Variants in CREB3L3 observed in about 807,000 individuals in gnomAD.
The protein encoded by CREB3L3 is cyclic AMP-responsive element-binding protein 3-like protein 3.
A neutral mutation model predicts 44.6 loss-of-function variants in CREB3L3; 40 were observed. The ratio of observed to expected loss-of-function variants is 0.90; its 90% CI spans 0.70 to 1.17. The LOEUF is 1.17. CREB3L3 is among the 50% of genes most tolerant of loss of function. The pLI is 0.00. For synonymous variants in CREB3L3, 273 were observed against 256.3 expected (o/e 1.06, Z -0.62); for missense variants, 578 against 595.8 (o/e 0.97, Z 0.31).
chr19:4,172,041 C>G lies in CREB3L3; in HGVS notation c.*72C>G. On this transcript the variant is annotated 3_prime_UTR_variant, in exon 10 of 10. Transcript: ENST00000078445. ...TGGGGATGCTGCACTGGGCAGCTACCCACCTGGGGATGGGACGTGAGGCCA... is the reference window on the plus strand; with the variant it reads ...TGGGGATGCTGCACTGGGCAGCTACGCACCTGGGGATGGGACGTGAGGCCA... The G allele has an allele frequency of 7.0e-7, 1 of 1,432,304 alleles. No individual in the cohort carries two copies. Among genetic ancestry groups the G allele is most frequent in the Non-Finnish European group, 9.3e-7 (1 of 1,073,598 alleles). 88.7% of individuals were successfully genotyped at this position (1,432,304 alleles called of 1,614,324 possible).
At chr19:4,170,071 G>T (rs1228424279) in intron 6 of CREB3L3, 69 bp from the exon 7 acceptor site, 1 of 1,465,330 alleles carries the variant, frequency 6.8e-7, no homozygotes, top group Admixed American at 1.7e-5. Context: ...GAGGCCTCTG[G>T]GGGAGATGTC....
chr19:4,171,503 C>T lies in CREB3L3; in HGVS notation c.1072+24C>T. 6.2e-7 allele frequency: 1 copy of T among 1,611,970 alleles called. No individual in the cohort carries two copies. The highest frequency in any genetic ancestry group is 8.5e-7 in the Non-Finnish European group (1 of 1,178,116). ...AGGTAGGGGATCCCCACCTTTGAAA[C>T]CCTTGTCTGGTCTCCCCAAGTCCCC... On this transcript the variant is annotated intron_variant, in intron 9 of 9. Transcript: ENST00000078445. The surrounding 1 kb of genome is among the most constrained non-coding windows in gnomAD (Gnocchi z 4.9).
Position 4,171,927 on chromosome 19 carries a change from C to T in CREB3L3, c.1344C>T (p.Gly448=). ...GGGTGGCGCCTGGGCCGAGCACTGG[C>T]TCAGGACGTGCAGGGCTGGAGGCGG... ...LDWVAPGPST[G]SGRAGLEAAG... is the part of the protein sequence containing the mutation. Residue 448 remains glycine, a synonymous_variant, in exon 10 of 10, where the codon GGC becomes GGT. Coordinates refer to ENST00000078445, the MANE Select transcript of CREB3L3 (RefSeq NM_032607.3). This position sits in a 1 kb window ranked among gnomAD's most constrained non-coding sequence, Gnocchi z 4.9. The T allele has an allele frequency of 6.2e-7, 1 of 1,610,984 alleles. No individual in the cohort carries two copies. Among genetic ancestry groups the T allele is most frequent in the Non-Finnish European group, 8.5e-7 (1 of 1,179,176 alleles).
chr19:4,166,563 A>ATTTT (rs377234051), intron 5 of CREB3L3, among the ~76,000 whole-genome samples: 3 of 131,392 alleles, frequency 2.3e-5, no homozygotes, highest in African/African-American at 8.3e-5. Flanking sequence ...TGCGCCCAGC[A>ATTTT]TTTTTTTTTT....
intron 6 of CREB3L3, among the ~76,000 whole-genome samples, chr19:4,168,768 A>G (rs567843510): frequency 6.6e-6 from 1 of 151,970 alleles, no homozygotes; most frequent in African/African-American, 2.4e-5. Context: ...GTCTCCTTCT[A>G]TCACCCAGGC....
At position 4,159,675 on chromosome 19, in the gene CREB3L3, C is replaced by G; in HGVS notation, c.469C>G (p.Pro157Ala). Reference protein sequence around the residue: ...SVTIDLEMWSPGGRICAEKPA... With the variant: ...SVTIDLEMWSAGGRICAEKPA... The stretch of plus-strand genomic sequence containing the variant: ...CCTGCCCTGGTCAGAAATGTGGAGC[C>G]CAGGAGGAAGGATCTGTGCTGAGAA... Residue 157 changes from proline to alanine, a missense_variant, in exon 4 of 10, where the codon CCA becomes GCA. By Grantham distance (27) the Pro-to-Ala change is conservative. Coordinates refer to ENST00000078445, the MANE Select transcript of CREB3L3 (RefSeq NM_032607.3). 6.5e-7 allele frequency: 1 copy of G among 1,541,606 alleles called. No individual in the cohort carries two copies. The highest frequency in any genetic ancestry group is 9.0e-7 in the Non-Finnish European group (1 of 1,113,960).
chr19:4,171,409 C>G lies in CREB3L3; in HGVS notation c.1002C>G (p.Ile334Met), dbSNP rs778583705. The change falls in exon 9 of 10, where the codon ATC becomes ATG. Residue 334 changes from isoleucine (I) to methionine (M), a missense_variant. By Grantham distance (10) the Ile-to-Met change is conservative. Coordinates refer to ENST00000078445, the MANE Select transcript of CREB3L3 (RefSeq NM_032607.3). This position sits in a 1 kb window ranked among gnomAD's most constrained non-coding sequence, Gnocchi z 4.9. ...TCCTGTTGCTGTCCTTTGCCCTCAT[C>G]ATCCTCCCCTCCATCAGCCCTTTTG... Reference protein sequence around the residue: ...VAVLLLSFALIILPSISPFGP... With the variant: ...VAVLLLSFALMILPSISPFGP... 2.5e-6 allele frequency: 4 copies of G among 1,614,140 alleles called. No homozygotes were observed. The highest frequency in any genetic ancestry group is 2.2e-5 in the South Asian group (2 of 91,086).
rs542131843 is a variant in CREB3L3, at chr19:4,172,187, G to A, written c.*218G>A. The A allele has an allele frequency of 2.5e-5, 15 of 607,144 alleles. No individual in the cohort carries two copies. The highest frequency in any genetic ancestry group is 3.8e-5 in the Non-Finnish European group (13 of 344,878). 37.6% of individuals were successfully genotyped at this position (607,144 alleles called of 1,614,324 possible). On this transcript the variant is annotated 3_prime_UTR_variant, in exon 10 of 10. Coordinates refer to ENST00000078445, the MANE Select transcript of CREB3L3 (RefSeq NM_032607.3). ...CAAGGCAAAGAGGGCCACAGGACCC[G>A]GGAAATACACACAGAGCCAGGAGCA...
Position 4,154,925 on chromosome 19 carries a change from C to T in CREB3L3, c.54C>T (p.Asp18=), listed in dbSNP as rs2041552300. ...GKMASAACSM[D]PIDSFELLDL... ...TGGCTTCTGCTGCCTGCTCCATGGA[C>T]CCCATCGACAGCTTTGAGCTCCTGG... Residue 18 remains aspartate, a synonymous_variant, in exon 2 of 10, where the codon GAC becomes GAT. Coordinates refer to ENST00000078445, the MANE Select transcript of CREB3L3 (RefSeq NM_032607.3). 1 of 1,613,926 alleles carries T rather than the reference C, an allele frequency of 6.2e-7. No homozygotes were observed. The highest frequency in any genetic ancestry group is 8.5e-7 in the Non-Finnish European group (1 of 1,180,014).
In CREB3L3 at chr19:4,164,649, G is replaced by T. The variant is rs367564406; in HGVS notation, c.714+9G>T. 2 of 1,613,596 alleles carry T rather than the reference G, an allele frequency of 1.2e-6. No individual in the cohort carries two copies. The highest frequency in any genetic ancestry group is 1.7e-6 in the Non-Finnish European group (2 of 1,179,792). ...AGCTGCCCCTCACTAAGGTGAGTCTGGGGGGACTTCCAGCCCTGGATCCAT... is the reference window on the plus strand; with the variant it reads ...AGCTGCCCCTCACTAAGGTGAGTCTTGGGGGACTTCCAGCCCTGGATCCAT... On this transcript the variant is annotated intron_variant, in intron 5 of 9. Coordinates refer to ENST00000078445, the MANE Select transcript of CREB3L3 (RefSeq NM_032607.3).
Position 4,171,540 on chromosome 19 carries a change from C to T in CREB3L3, c.1072+61C>T. 6.2e-7 allele frequency: 1 copy of T among 1,603,820 alleles called. No homozygotes were observed. The highest frequency in any genetic ancestry group is 8.5e-7 in the Non-Finnish European group (1 of 1,170,946). On this transcript the variant is annotated intron_variant, in intron 9 of 9. Transcript: ENST00000078445. This position sits in a 1 kb window ranked among gnomAD's most constrained non-coding sequence, Gnocchi z 4.9. Reference sequence around the variant, plus strand: ...CTCCCCAAGTCCCCGTCCTGGGCCTCTGGGGGAGGGGGAGAAGACCCCTGT... The same window carrying T: ...CTCCCCAAGTCCCCGTCCTGGGCCTTTGGGGGAGGGGGAGAAGACCCCTGT...
At chr19:4,168,519 G>C in intron 6 of CREB3L3, 62 bp downstream of exon 6, 1 of 1,347,596 alleles carries the variant, frequency 7.4e-7, no homozygotes, top group Non-Finnish European at 1.0e-6. Flanking sequence ...GAGAGAAGGA[G>C]ATGTGGCTAA....
At position 4,171,350 on chromosome 19, in the gene CREB3L3, G is replaced by A. The variant is rs1287289359; in HGVS notation, c.976-33G>A. ...ATGGAGATGCTTGCAGGGGAGGGGA[G>A]GGAGGGGGTGACTCTGCCGCTGTCT... is the stretch of plus-strand genomic sequence containing the variant. On this transcript the variant is annotated intron_variant, in intron 8 of 9. Coordinates refer to ENST00000078445, the MANE Select transcript of CREB3L3 (RefSeq NM_032607.3). The surrounding 1 kb of genome is among the most constrained non-coding windows in gnomAD (Gnocchi z 4.9). 3 of 1,592,678 alleles carry A rather than the reference G, an allele frequency of 1.9e-6. No homozygotes were observed. Among genetic ancestry groups the A allele is most frequent in the Non-Finnish European group, 2.6e-6 (3 of 1,160,784 alleles).
intron 5 of CREB3L3, 52 bp downstream of exon 5, chr19:4,164,692 AC>A: frequency 6.3e-7 from 1 of 1,597,376 alleles, no homozygotes; most frequent in Non-Finnish European, 8.6e-7. Flanking sequence ...TCGTGCACTT[AC>A]CTGCATGTGT....
chr19:4,164,988 C>G (rs368654741), intron 5 of CREB3L3, among the ~76,000 whole-genome samples: 1 of 152,064 alleles, frequency 6.6e-6, no homozygotes, highest in Non-Finnish European at 1.5e-5. Flanking sequence ...GGATTCCAGG[C>G]GTGAGCCACC....
At chr19:4,160,050 C>T (rs764924124) in intron 4 of CREB3L3, among the ~76,000 whole-genome samples, 9 of 152,048 alleles carry the variant, frequency 5.9e-5, no homozygotes, top group Non-Finnish European at 1.0e-4. Context: ...AATCCCAGCA[C>T]TTTGGGAGGC....
intron 3 of CREB3L3, among the ~76,000 whole-genome samples, chr19:4,159,040 G>A (rs893819758): frequency 6.6e-6 from 1 of 152,146 alleles, no homozygotes; most frequent in African/African-American, 2.4e-5. Flanking sequence ...CTGTAATTCT[G>A]TGTGATAACA....
intron 5 of CREB3L3, among the ~76,000 whole-genome samples, chr19:4,165,770 G>A (rs1312025995): frequency 6.6e-6 from 1 of 152,078 alleles, no homozygotes; most frequent in Non-Finnish European, 1.5e-5. Context: ...AGCTTCTCAG[G>A]AGGCTGAGGC....
chr19:4,169,684 CGG>C (rs1250091367), intron 6 of CREB3L3, among the ~76,000 whole-genome samples: 2 of 150,828 alleles, frequency 1.3e-5, no homozygotes, highest in Non-Finnish European at 2.9e-5. Flanking sequence ...CTCCACTTCC[CGG>C]GTTCAATCGA....
Sources: gnomAD v4.1 joint callset for allele counts (sites outside exome capture counted in the v4.1 genomes callset) on GRCh38, gnomAD v4.1.1 for gene constraint, Gnocchi (gnomAD v3.1) non-coding constraint, MANE v1.5 for transcripts, NCBI Gene and HGNC (gene_info 2026-07-23, HGNC 2026-07-21) for gene names.